MAST3: variants seen among roughly 807,000 people sequenced by gnomAD.
MAST3 encodes the protein microtubule associated serine/threonine kinase 3.
Under a neutral mutation model 127.0 loss-of-function variants are expected in MAST3, and 43 were observed. The observed-to-expected ratio is 0.34, with a 90% CI of 0.27 to 0.44. The LOEUF (loss-of-function observed/expected upper bound fraction) is 0.44, where lower values mean the gene tolerates loss of function less well. Ranked by LOEUF, MAST3 falls within the 20% of genes least tolerant of loss-of-function variation. MAST3 has a pLI of 1.00. For missense variants in MAST3, 1,390 were observed against 1,919.1 expected (o/e 0.72, Z 5.15); for synonymous variants, 785 against 809.2 (o/e 0.97, Z 0.51).
At chr19:18,108,430 G>A (rs184657915) in intron 2 of MAST3, among the ~76,000 whole-genome samples, 25 of 151,422 alleles carry the variant, frequency 1.7e-4, no homozygotes, top group Middle Eastern at 3.4e-3. Flanking sequence ...GTACAGTGCA[G>A]TAGTGTCATC....
At position 18,149,946 on chromosome 19, in the gene MAST3, A is replaced by G; in HGVS notation, c.*220A>G. The G allele has an allele frequency of 1.9e-6, 1 of 514,830 alleles. No individual in the cohort carries two copies. The highest frequency in any genetic ancestry group is 3.3e-6 in the Non-Finnish European group (1 of 299,642). 31.9% of individuals were successfully genotyped at this position (514,830 alleles called of 1,614,324 possible). A position where few individuals can be genotyped will look rare whatever the true frequency, so the allele number is the denominator to read the frequency against. ...GGGGGACAAGGGTGGCTTTGTAAAT[A>G]GCAGCAAATCCCTGCAACTAATTTA... is the stretch of plus-strand genomic sequence containing the variant. On this transcript the variant is annotated 3_prime_UTR_variant, in exon 28 of 28. Transcript: ENST00000687212. This position sits in a 1 kb window ranked among gnomAD's most constrained non-coding sequence, Gnocchi z 5.9.
chr19:18,100,405 C>T (rs2037493741), intron 1 of MAST3, among the ~76,000 whole-genome samples: 1 of 151,920 alleles, frequency 6.6e-6, no homozygotes, highest in African/African-American at 2.4e-5. Flanking sequence ...GAATTACAGG[C>T]GTGAGCCACC....
At position 18,146,862 on chromosome 19, in the gene MAST3, C is replaced by T. The variant is rs1307177951; in HGVS notation, c.3163-19C>T. On this transcript the variant is annotated intron_variant, in intron 25 of 27. Coordinates refer to ENST00000687212, the MANE Select transcript of MAST3 (RefSeq NM_001393504.1). ...CCTGTGAGAGGCACAGAGGCAACCC[C>T]TCACCATCCCTCCCGCAGAGCGGCA... 3 of 1,539,132 alleles carry T rather than the reference C, an allele frequency of 1.9e-6. No homozygotes were observed. Among genetic ancestry groups the T allele is most frequent in the Non-Finnish European group, 2.6e-6 (3 of 1,138,154 alleles).
At position 18,130,707 on chromosome 19, in the gene MAST3, G is replaced by A. The variant is rs368438787; in HGVS notation, c.1432+5G>A. On this transcript the variant is annotated splice_donor_5th_base_variant and intron_variant, in intron 14 of 27. Coordinates refer to ENST00000687212, the MANE Select transcript of MAST3 (RefSeq NM_001393504.1). ...TGGTCATGGAATACGTGGAAGGTAC[G>A]CTCACTGGGGCTTGCATGCCTCCAG... The A allele has an allele frequency of 8.4e-5, 135 of 1,611,854 alleles. No individual in the cohort carries two copies. Among genetic ancestry groups the A allele is most frequent in the South Asian group, 4.5e-4 (41 of 90,794 alleles).
chr19:18,118,205 G>T (rs929445088), intron 3 of MAST3: 2 of 984,670 alleles, frequency 2.0e-6, no homozygotes, highest in Non-Finnish European at 2.4e-6. Context: ...GGCGGCTCCC[G>T]GCCATCGGAG....
intron 1 of MAST3, among the ~76,000 whole-genome samples, chr19:18,107,319 T>C (rs1256266779): frequency 6.6e-6 from 1 of 152,088 alleles, no homozygotes; most frequent in Non-Finnish European, 1.5e-5. Context: ...AGACTGTGAA[T>C]CTGGAGGGCC....
Position 18,121,680 on chromosome 19 carries a change from C to T in MAST3, c.162-5C>T, listed in dbSNP as rs273482. On this transcript the variant is annotated splice_polypyrimidine_tract_variant and splice_region_variant and intron_variant, in intron 3 of 27. Coordinates refer to ENST00000687212, the MANE Select transcript of MAST3 (RefSeq NM_001393504.1). ...CACCTACCCTGTCCCCTTTTCCCCC[C>T]ACAGCTGCCGCAGCGGGAACCGCAA... is the stretch of plus-strand genomic sequence containing the variant. 5.1e-5 allele frequency: 83 copies of T among 1,613,144 alleles called. No homozygotes were observed. Among genetic ancestry groups the T allele is most frequent in the Admixed American group, 8.3e-5 (5 of 59,990 alleles).
rs1599784388 is a variant in MAST3, at chr19:18,128,552, C to T, written c.1137+94C>T. 6.2e-6 allele frequency: 8 copies of T among 1,282,674 alleles called. No individual in the cohort carries two copies. The East Asian group carries it at 2.0e-4, about 33-fold the overall frequency. The allele number at this position is 1,282,674 out of a possible 1,614,324, so 79.5% of individuals were successfully genotyped here. A position where few individuals can be genotyped will look rare whatever the true frequency, so the allele number is the denominator to read the frequency against. ...AAGGGCTGGGTTTGCCGAGGTCTTG[C>T]ATGTAGCTTAATTAGCATCGGTGAC... On this transcript the variant is annotated intron_variant, in intron 12 of 27. Coordinates refer to ENST00000687212, the MANE Select transcript of MAST3 (RefSeq NM_001393504.1).
Position 18,130,509 on chromosome 19 carries a change from G to GCGGCAC in MAST3, c.1242_1247dup (p.His415_Arg416dup), listed in dbSNP as rs761191185. The GCGGCAC allele has an allele frequency of 6.2e-7, 1 of 1,603,786 alleles. No individual in the cohort carries two copies. The highest frequency in any genetic ancestry group is 1.7e-5 in the Admixed American group (1 of 57,942). On this transcript the variant is annotated inframe_insertion, in exon 14 of 28. Transcript: ENST00000687212. The stretch of plus-strand genomic sequence containing the variant: ...CTGTCCCCAGGGCCGTCTACCTGGT[G>GCGGCAC]CGGCACCGTGACACACGGCAGCGCT...
At chr19:18,130,779 A>G in intron 14 of MAST3, 77 bp downstream of exon 14, 1 of 1,406,934 alleles carries the variant, frequency 7.1e-7, no homozygotes. Context: ...TTTTTAGACC[A>G]AGTTGAGGTC....
In MAST3 at chr19:18,124,131, G is replaced by C. The variant is rs2040314429; in HGVS notation, c.826G>C (p.Glu276Gln). The part of the protein sequence containing the change: ...RYFLEMQEKL[E>Q]RLLQDAHERS... ...CTTCCTAGAGATGCAGGAGAAGCTGGAGCGGCTTCTGCAGGATGTGCGTGG... is the reference window on the plus strand; with the variant it reads ...CTTCCTAGAGATGCAGGAGAAGCTGCAGCGGCTTCTGCAGGATGTGCGTGG... Residue 276 changes from glutamate (E) to glutamine (Q), a missense_variant, in exon 9 of 28, where the codon GAG becomes CAG. Coordinates refer to ENST00000687212, the MANE Select transcript of MAST3 (RefSeq NM_001393504.1). 6.2e-7 allele frequency: 1 copy of C among 1,610,656 alleles called. No homozygotes were observed. The highest frequency in any genetic ancestry group is 1.7e-5 in the Admixed American group (1 of 59,590).
chr19:18,144,400 T>C lies in MAST3; in HGVS notation c.2585-66T>C. On this transcript the variant is annotated intron_variant, in intron 22 of 27. Transcript: ENST00000687212. The surrounding 1 kb of genome is among the most constrained non-coding windows in gnomAD (Gnocchi z 4.0). ...AAATAGTGACCAGGGAGGAAGGGCC[T>C]TAAGGTCCCTTTAGGACCACATGGT... The C allele has an allele frequency of 7.3e-7, 1 of 1,368,164 alleles. No individual in the cohort carries two copies. Among genetic ancestry groups the C allele is most frequent in the Admixed American group, 2.0e-5 (1 of 50,578 alleles). 84.8% of individuals were successfully genotyped at this position (1,368,164 alleles called of 1,614,324 possible).
rs767186199 is a variant in MAST3 at position 18,145,273 on chromosome 19, A to T, written c.3039+44A>T. ...TGGCAGGGACCCGGGTTCTAGTTTGACTCTGCCCGGTCATGTCCCTTCTCA... is the reference window on the plus strand; with the variant it reads ...TGGCAGGGACCCGGGTTCTAGTTTGTCTCTGCCCGGTCATGTCCCTTCTCA... On this transcript the variant is annotated intron_variant, in intron 24 of 27. Transcript: ENST00000687212. The surrounding 1 kb of genome is among the most constrained non-coding windows in gnomAD (Gnocchi z 5.9). The T allele has an allele frequency of 5.1e-6, 8 of 1,576,562 alleles. No individual in the cohort carries two copies. The African/African-American group carries it at 1.1e-4, about 21-fold the overall frequency.
At chr19:18,098,922 G>C (rs757362462) in intron 1 of MAST3, 31 of 373,524 alleles carry the variant, frequency 8.3e-5, no homozygotes, top group Non-Finnish European at 1.5e-4. Context: ...GGGACTCACA[G>C]CAAGTGAAGG....
chr19:18,116,711 A>T (rs1207581425), intron 3 of MAST3, among the ~76,000 whole-genome samples: 6 of 130,486 alleles, frequency 4.6e-5, no homozygotes, highest in Non-Finnish European at 9.8e-5. Flanking sequence ...GGAGTTTGAG[A>T]CGAGCCTGGC....
intron 14 of MAST3, 79 bp downstream of exon 14, chr19:18,130,781 G>T: frequency 7.2e-7 from 1 of 1,380,088 alleles, no homozygotes; most frequent in Non-Finnish European, 1.0e-6. Context: ...TTTAGACCAA[G>T]TTGAGGTCTG....
rs556097139 is a variant in MAST3, at chr19:18,123,142, G to A, written c.400-75G>A. The A allele has an allele frequency of 2.1e-5, 32 of 1,528,018 alleles. No individual in the cohort carries two copies. The African/African-American group carries it at 4.2e-4, about 20-fold the overall frequency. The allele number at this position is 1,528,018 out of a possible 1,614,324, so 94.7% of individuals were successfully genotyped here. On this transcript the variant is annotated intron_variant, in intron 6 of 27. Transcript: ENST00000687212. ...ATGGCCAGCAGGCAGCCTGGGCCTT[G>A]AGGGGTGGTGCTGGGTTCCTGGCCA...
chr19:18,124,980 G>C (rs899318457), intron 11 of MAST3, among the ~76,000 whole-genome samples: 1 of 149,374 alleles, frequency 6.7e-6, no homozygotes, highest in Non-Finnish European at 1.5e-5. Flanking sequence ...GGTGGCGCAT[G>C]CCTGTAATCC....
intron 1 of MAST3, among the ~76,000 whole-genome samples, chr19:18,107,162 C>G (rs575774542): frequency 2.6e-5 from 4 of 151,858 alleles, no homozygotes; most frequent in Non-Finnish European, 5.9e-5. Context: ...TGTAGTCTTG[C>G]TATGTTGCCC....
Sources: allele counts gnomAD v4.1 joint callset (sites outside exome capture counted in the v4.1 genomes callset), GRCh38; gene constraint gnomAD v4.1.1; non-coding constraint Gnocchi (gnomAD v3.1); transcripts MANE v1.5; gene names NCBI Gene and HGNC (gene_info 2026-07-23, HGNC 2026-07-21).